ASPH: variants seen among roughly 807,000 people sequenced by gnomAD.
The protein encoded by ASPH is aspartyl/asparaginyl beta-hydroxylase.
In ASPH, 100 loss-of-function variants were observed where a neutral mutation model predicts 118.4. The ratio of observed to expected loss-of-function variants is 0.84; its 90% CI spans 0.72 to 1.00. The LOEUF (loss-of-function observed/expected upper bound fraction) is 1.00. Ranked by LOEUF, ASPH falls within the 50% of genes least tolerant of loss-of-function variation. The pLI, the probability that ASPH is intolerant of heterozygous loss-of-function variation, is 0.00. For missense variants in ASPH, 920 were observed against 919.5 expected, an observed-to-expected ratio of 1.00 and a Z score of -0.01; for synonymous variants, 315 against 325.6, an observed-to-expected ratio of 0.97 and a Z score of 0.35.
intron 13 of ASPH, among the ~76,000 whole-genome samples, chr8:61,627,897 C>T (rs912094257): frequency 6.6e-6 from 1 of 152,152 alleles, no homozygotes; most frequent in Admixed American, 6.5e-5. Context: ...CATTCATTCA[C>T]AAGGACTCAA....
chr8:61,604,333 G>T (rs1225719157), intron 14 of ASPH, among the ~76,000 whole-genome samples: 1 of 151,880 alleles, frequency 6.6e-6, no homozygotes, highest in African/African-American at 2.4e-5. Flanking sequence ...TTAAATTCCT[G>T]GCTAAATTAA....
At chr8:61,708,319 T>C (rs1029069899) in intron 1 of ASPH, among the ~76,000 whole-genome samples, 6 of 152,252 alleles carry the variant, frequency 3.9e-5, no homozygotes, top group Non-Finnish European at 7.3e-5. Flanking sequence ...AAGCATCTTA[T>C]ACAAATTGAC....
intron 16 of ASPH, among the ~76,000 whole-genome samples, chr8:61,574,711 G>A (rs1400562299): frequency 6.6e-6 from 1 of 152,144 alleles, no homozygotes; most frequent in Admixed American, 6.5e-5. Flanking sequence ...GGGGGGCTAG[G>A]GGAGGGATAG....
At chr8:61,638,691 A>G (rs766725440) in intron 10 of ASPH, among the ~76,000 whole-genome samples, 3 of 152,164 alleles carry the variant, frequency 2.0e-5, no homozygotes, top group Non-Finnish European at 4.4e-5. Context: ...TCATGGGCAG[A>G]TTCCCTGCTT....
Position 61,560,036 on chromosome 8 carries a change from A to T in ASPH, c.1437+2708T>A, listed in dbSNP as rs543984667. 3.3e-5 allele frequency among the ~76,000 whole-genome samples: 5 copies of T among 152,338 alleles called. No homozygotes were observed. The South Asian group carries it at 1.0e-3, about 32-fold the overall frequency. ...TACAAAGGGAAGGGATTTGAAAGTTAATCAGAAGTTAAAATGAACACAAAT... is the reference window on the plus strand; with the variant it reads ...TACAAAGGGAAGGGATTTGAAAGTTTATCAGAAGTTAAAATGAACACAAAT... On this transcript the variant is annotated intron_variant, in intron 18 of 24. Transcript: ENST00000379454.
At chr8:61,647,021 A>C in intron 5 of ASPH, 143 bp from the exon 6 acceptor site, 2 of 1,085,972 alleles carry the variant, frequency 1.8e-6, no homozygotes, top group African/African-American at 3.1e-5. Flanking sequence ...TGTCCACTCC[A>C]CAGCTATTTT....
At position 61,503,499 on chromosome 8, in the gene ASPH, C is replaced by A. The variant is rs1404126052; in HGVS notation, c.2137G>T (p.Glu713Ter). ...RCANETKTWE[E>*]GKVLIFDDSF... Reference sequence around the variant, plus strand: ...TCATCAAAGATGAGCACCTTGCCTTCCTCCCAGGTCCTGCAGCAGAAAGAC... The same window carrying A: ...TCATCAAAGATGAGCACCTTGCCTTACTCCCAGGTCCTGCAGCAGAAAGAC... Residue 713 changes from glutamate to a stop codon, truncating the protein, a stop_gained, in exon 25 of 25, where the codon GAA becomes TAA. Coordinates refer to ENST00000379454, the MANE Select transcript of ASPH (RefSeq NM_004318.4). LOFTEE classifies it high-confidence loss of function. The A allele has an allele frequency of 1.2e-6, 2 of 1,610,692 alleles. No homozygotes were observed. The highest frequency in any genetic ancestry group is 1.7e-6 in the Non-Finnish European group (2 of 1,178,382).
intron 13 of ASPH, chr8:61,624,523 A>G (rs1381343755): frequency 4.1e-6 from 4 of 965,372 alleles, no homozygotes; most frequent in African/African-American, 3.5e-5. Flanking sequence ...TACTTCAAAA[A>G]TAATGACAAT....
At chr8:61,614,415 T>C (rs996955347) in intron 14 of ASPH, among the ~76,000 whole-genome samples, 4 of 152,230 alleles carry the variant, frequency 2.6e-5, no homozygotes, top group Middle Eastern at 3.2e-3. Flanking sequence ...TTTGATAATA[T>C]ACTAAATCAA....
Position 61,503,418 on chromosome 8 carries a change from C to A in ASPH, c.2218G>T (p.Val740Leu). 1 of 1,613,060 alleles carries A rather than the reference C, an allele frequency of 6.2e-7. No individual in the cohort carries two copies. Among genetic ancestry groups the A allele is most frequent in the South Asian group, 1.1e-5 (1 of 90,878 alleles). ...DASSFRLIFI[V>L]DVWHPELTPQ... is the part of the protein sequence containing the mutation. ...GTCAGTTCCGGATGCCACACATCCA[C>A]GATGAATATCAGCCGGAAAGATGAG... is the stretch of plus-strand genomic sequence containing the variant. Residue 740 changes from valine to leucine, a missense_variant, in exon 25 of 25, where the codon GTG becomes TTG. Physicochemically the swap from Val to Leu is conservative, Grantham distance 32 (BLOSUM62 1). Transcript: ENST00000379454.
chr8:61,618,014 G>A (rs1849646009), intron 14 of ASPH, among the ~76,000 whole-genome samples: 1 of 151,434 alleles, frequency 6.6e-6, no homozygotes, highest in Non-Finnish European at 1.5e-5. Context: ...ATATGAAGTA[G>A]TAGGGAAGAG....
At chr8:61,580,487 G>T (rs1432506992) in intron 15 of ASPH, among the ~76,000 whole-genome samples, 1 of 152,148 alleles carries the variant, frequency 6.6e-6, no homozygotes, top group Admixed American at 6.5e-5. Context: ...CTCTTCGATG[G>T]CCTCTGTAAC....
chr8:61,576,453 C>G lies in ASPH; in HGVS notation c.1149+319G>C, dbSNP rs185112276. On this transcript the variant is annotated intron_variant, in intron 16 of 24. Transcript: ENST00000379454. ...TTATAAAACTGAGAGTCTGAAAGCT[C>G]TGAGGAGCCTCAAGTGAACACTGTA... 13 of 218,062 alleles carry G rather than the reference C, an allele frequency of 6.0e-5. No individual in the cohort carries two copies. The Admixed American group carries it at 6.1e-4, about 10-fold the overall frequency. The allele number at this position is 218,062 out of a possible 1,614,324, so 13.5% of individuals were successfully genotyped here.
At chr8:61,663,356 C>T in intron 3 of ASPH, 2 of 985,358 alleles carry the variant, frequency 2.0e-6, no homozygotes, top group Non-Finnish European at 2.4e-6. Flanking sequence ...CCTAACCAGG[C>T]CAACTGGAAT....
At chr8:61,595,254 CTG>C (rs1842201623) in intron 14 of ASPH, among the ~76,000 whole-genome samples, 1 of 152,190 alleles carries the variant, frequency 6.6e-6, no homozygotes, top group Admixed American at 6.5e-5. Context: ...AAATACCCAA[CTG>C]TGAAGATCCT....
chr8:61,505,509 AAAAAAG>A (rs1806165519), intron 24 of ASPH, among the ~76,000 whole-genome samples: 1 of 151,868 alleles, frequency 6.6e-6, no homozygotes. Flanking sequence ...AAAAAAAAAA[AAAAAAG>A]AAGTGCCTTT....
intron 14 of ASPH, among the ~76,000 whole-genome samples, chr8:61,618,501 T>C (rs1030177799): frequency 6.6e-6 from 1 of 152,224 alleles, no homozygotes; most frequent in African/African-American, 2.4e-5. Flanking sequence ...GAAAAAGATA[T>C]CATGTTCTAG....
At chr8:61,649,112 G>A (rs1277434140) in intron 5 of ASPH, among the ~76,000 whole-genome samples, 2 of 152,166 alleles carry the variant, frequency 1.3e-5, no homozygotes, top group Admixed American at 6.5e-5. Flanking sequence ...TATGGAAACA[G>A]GGAGACCCAG....
chr8:61,619,316 C>T (rs1030317214), intron 13 of ASPH, among the ~76,000 whole-genome samples: 2 of 152,280 alleles, frequency 1.3e-5, no homozygotes, highest in Non-Finnish European at 2.9e-5. Context: ...TACATCAACT[C>T]CAAGTGTCTC....
Sources: gnomAD v4.1 joint callset for allele counts (sites outside exome capture counted in the v4.1 genomes callset) on GRCh38, gnomAD v4.1.1 for gene constraint, MANE v1.5 for transcripts, NCBI Gene and HGNC (gene_info 2026-07-23, HGNC 2026-07-21) for gene names.